Variants in RAPGEF6 observed in about 807,000 individuals in gnomAD.
RAPGEF6 encodes the protein PDZ domain containing guanine nucleotide exchange factor (GEF) 2.
A neutral mutation model predicts 171.4 loss-of-function variants in RAPGEF6; 56 were observed. That is an observed-to-expected ratio of 0.33 (90% CI 0.26 to 0.41). The LOEUF is 0.41. Ranked by LOEUF, RAPGEF6 falls within the 10% of genes least tolerant of loss-of-function variation. The pLI, the probability that RAPGEF6 is intolerant of heterozygous loss-of-function variation, is 1.00. For missense variants in RAPGEF6, 1,674 were observed against 1,921.4 expected, an observed-to-expected ratio of 0.87 and a Z score of 2.41; for synonymous variants, 692 against 650.1, an observed-to-expected ratio of 1.06 and a Z score of -0.98.
chr5:131,498,804 C>T (rs939943108), intron 11 of RAPGEF6, among the ~76,000 whole-genome samples, 197 bp from the exon 12 acceptor site: 2 of 152,198 alleles, frequency 1.3e-5, no homozygotes, highest in African/African-American at 4.8e-5. Flanking sequence ...GGTTGAGAGA[C>T]AGAAAAGGCA....
chr5:131,451,897 T>G (rs1753103245), intron 21 of RAPGEF6, among the ~76,000 whole-genome samples: 1 of 152,150 alleles, frequency 6.6e-6, no homozygotes, highest in Admixed American at 6.5e-5. Context: ...GATCAAAAAT[T>G]AAAACCACAA....
intron 5 of RAPGEF6, among the ~76,000 whole-genome samples, chr5:131,558,221 T>G (rs1761363324): frequency 7.0e-6 from 1 of 143,650 alleles, no homozygotes; most frequent in Non-Finnish European, 1.5e-5. Flanking sequence ...CAGTTTGGTT[T>G]TTTTTTTTTT....
At chr5:131,510,706 G>A (rs984530530) in intron 7 of RAPGEF6, among the ~76,000 whole-genome samples, 11 of 152,150 alleles carry the variant, frequency 7.2e-5, no homozygotes, top group Non-Finnish European at 1.3e-4. Flanking sequence ...ACAACTAGGT[G>A]ATAAATCAGA....
intron 17 of RAPGEF6, among the ~76,000 whole-genome samples, chr5:131,465,911 T>G (rs1180976202): frequency 4.6e-5 from 7 of 152,102 alleles, no homozygotes; most frequent in Non-Finnish European, 1.0e-4. Flanking sequence ...CAGCATCACC[T>G]TCTTAGCATT....
chr5:131,576,358 C>A (rs114315978), intron 4 of RAPGEF6, among the ~76,000 whole-genome samples: 1 of 152,210 alleles, frequency 6.6e-6, no homozygotes, highest in Non-Finnish European at 1.5e-5. Flanking sequence ...TTGCTTTAAC[C>A]CGGGCTCTCA....
chr5:131,451,793 T>G (rs1409406446), intron 21 of RAPGEF6, among the ~76,000 whole-genome samples: 1 of 152,210 alleles, frequency 6.6e-6, no homozygotes, highest in Non-Finnish European at 1.5e-5. Flanking sequence ...GTATATTTTT[T>G]TAAGCCATAG....
At chr5:131,431,403 C>G (rs1580813811) in intron 25 of RAPGEF6, 54 bp from the exon 26 acceptor site, 2 of 1,526,164 alleles carry the variant, frequency 1.3e-6, no homozygotes, top group East Asian at 4.5e-5. Flanking sequence ...ACTATCTTCT[C>G]TCTGTTTCAA....
At chr5:131,449,980 GTCGC>G (rs1475269427) in intron 21 of RAPGEF6, 15 of 1,511,128 alleles carry the variant, frequency 9.9e-6, no homozygotes, top group Non-Finnish European at 1.3e-5. Context: ...TATGTTAAGA[GTCGC>G]ACAACCTTCA....
intron 23 of RAPGEF6, among the ~76,000 whole-genome samples, chr5:131,440,675 T>G: frequency 7.0e-6 from 1 of 142,390 alleles, no homozygotes; most frequent in Non-Finnish European, 1.5e-5. Context: ...GAAACGGAGG[T>G]TTCAGTGAGC....
chr5:131,562,357 C>T (rs1237782163), intron 4 of RAPGEF6, among the ~76,000 whole-genome samples: 2 of 151,888 alleles, frequency 1.3e-5, no homozygotes, highest in East Asian at 1.9e-4. Context: ...TGTCAATATA[C>T]GTTGCACAAA....
intron 7 of RAPGEF6, among the ~76,000 whole-genome samples, chr5:131,520,414 T>C (rs1368048586): frequency 1.3e-5 from 2 of 152,224 alleles, no homozygotes; most frequent in African/African-American, 4.8e-5. Context: ...ATGTTGTAAT[T>C]ATAGTATTTG....
chr5:131,440,094 C>A, intron 23 of RAPGEF6: 1 of 391,702 alleles, frequency 2.6e-6, no homozygotes, highest in Non-Finnish European at 5.0e-6. Context: ...CTCTCCAAGT[C>A]GGGGCGACGC....
chr5:131,484,313 G>A (rs369142441), intron 15 of RAPGEF6, among the ~76,000 whole-genome samples: 13 of 121,580 alleles, frequency 1.1e-4, no homozygotes, highest in Non-Finnish European at 1.9e-4. Flanking sequence ...TGCAACCTCC[G>A]CCCCCAAGGT....
At chr5:131,521,954 C>G (rs1758526144) in intron 6 of RAPGEF6, among the ~76,000 whole-genome samples, 1 of 151,422 alleles carries the variant, frequency 6.6e-6, no homozygotes, top group South Asian at 2.1e-4. Flanking sequence ...AAAATGGTGA[C>G]TGATACAAGA....
chr5:131,617,857 A>C (rs1196647148), intron 1 of RAPGEF6, among the ~76,000 whole-genome samples: 1 of 152,260 alleles, frequency 6.6e-6, no homozygotes, highest in Admixed American at 6.5e-5. Flanking sequence ...TGGAGATTTA[A>C]ACAATATGCC....
intron 5 of RAPGEF6, among the ~76,000 whole-genome samples, chr5:131,549,986 A>C (rs1760816687): frequency 6.6e-6 from 1 of 152,124 alleles, no homozygotes; most frequent in Admixed American, 6.5e-5. Flanking sequence ...GTGGAAAGCG[A>C]AACTGCAGAT....
At chr5:131,488,488 T>C (rs1442595008) in intron 15 of RAPGEF6, among the ~76,000 whole-genome samples, 1 of 152,154 alleles carries the variant, frequency 6.6e-6, no homozygotes, top group Non-Finnish European at 1.5e-5. Context: ...AGTTGGCATT[T>C]CTAGATATTA....
At chr5:131,623,320 C>A (rs1255236794) in intron 1 of RAPGEF6, among the ~76,000 whole-genome samples, 1 of 152,180 alleles carries the variant, frequency 6.6e-6, no homozygotes, top group Non-Finnish European at 1.5e-5. Flanking sequence ...AAGTAAAACA[C>A]TGTTTATGGC....
At chr5:131,454,565 T>TA (rs1561477521) in intron 20 of RAPGEF6, among the ~76,000 whole-genome samples, 2 of 151,514 alleles carry the variant, frequency 1.3e-5, no homozygotes, top group African/African-American at 2.4e-5. Flanking sequence ...AACATTAAAC[T>TA]AAAAAAAGAA....
Sources: gnomAD v4.1 joint callset for allele counts (sites outside exome capture counted in the v4.1 genomes callset) on GRCh38, gnomAD v4.1.1 for gene constraint, MANE v1.5 for transcripts, NCBI Gene and HGNC (gene_info 2026-07-23, HGNC 2026-07-21) for gene names.